The following MFHAS1 variants were observed in gnomAD, a reference collection of about 807,000 sequenced individuals.
MFHAS1 encodes multifunctional ROCO family signaling regulator 1.
Under a neutral mutation model 70.4 loss-of-function variants are expected in MFHAS1, and 50 were observed. The observed-to-expected ratio is 0.71, with a 90% CI of 0.57 to 0.90. The LOEUF (loss-of-function observed/expected upper bound fraction) is 0.90, where lower values mean the gene tolerates loss of function less well. MFHAS1 is among the 40% of genes least tolerant of loss of function. MFHAS1 has a pLI of 0.00. For synonymous variants in MFHAS1, 952 were observed against 620.0 expected (o/e 1.54, Z -7.96); for missense variants, 1,795 against 1,347.6 (o/e 1.33, Z -5.20).
At chr8:8,887,146 A>G (rs1462370454) in intron 1 of MFHAS1, among the ~76,000 whole-genome samples, 5 of 152,148 alleles carry the variant, frequency 3.3e-5, no homozygotes, top group African/African-American at 1.2e-4. Flanking sequence ...CAAACAAACA[A>G]AAAAACATGA....
chr8:8,867,705 C>T (rs1808915431), intron 1 of MFHAS1, among the ~76,000 whole-genome samples: 1 of 151,872 alleles, frequency 6.6e-6, no homozygotes, highest in African/African-American at 2.4e-5. Flanking sequence ...CTACAGGCAC[C>T]CGCCACCACA....
At chr8:8,845,355 C>T (rs1217895261) in intron 1 of MFHAS1, among the ~76,000 whole-genome samples, 10 of 152,156 alleles carry the variant, frequency 6.6e-5, no homozygotes, top group Non-Finnish European at 2.9e-5. Flanking sequence ...TGTGAAGCAG[C>T]AGAAAATCAT....
At chr8:8,875,999 A>C (rs1425838276) in intron 1 of MFHAS1, among the ~76,000 whole-genome samples, 1 of 152,198 alleles carries the variant, frequency 6.6e-6, no homozygotes, top group East Asian at 1.9e-4. Flanking sequence ...TTTGATCCAC[A>C]AACTTATCAC....
chr8:8,886,003 G>C (rs946053004), intron 1 of MFHAS1, among the ~76,000 whole-genome samples: 1 of 152,160 alleles, frequency 6.6e-6, no homozygotes, highest in African/African-American at 2.4e-5. Flanking sequence ...CCATCTCCGA[G>C]TTTCCAAAAG....
intron 1 of MFHAS1, among the ~76,000 whole-genome samples, chr8:8,858,993 T>G (rs1471614003): frequency 2.0e-5 from 3 of 152,222 alleles, no homozygotes; most frequent in Non-Finnish European, 2.9e-5. Context: ...TTCTTACATA[T>G]GCACACACAT....
intron 1 of MFHAS1, among the ~76,000 whole-genome samples, chr8:8,823,437 A>G (rs1045158110): frequency 6.6e-6 from 1 of 152,176 alleles, no homozygotes; most frequent in Non-Finnish European, 1.5e-5. Flanking sequence ...CAAGTTCCCG[A>G]AACACCGTGA....
intron 1 of MFHAS1, among the ~76,000 whole-genome samples, chr8:8,831,797 C>T (rs531818713): frequency 3.3e-5 from 5 of 151,880 alleles, no homozygotes; most frequent in African/African-American, 4.8e-5. Context: ...TTAGTAGAGA[C>T]GGGTTTCACC....
chr8:8,863,973 C>G (rs1409361825), intron 1 of MFHAS1, among the ~76,000 whole-genome samples: 3 of 152,208 alleles, frequency 2.0e-5, no homozygotes, highest in African/African-American at 4.8e-5. Flanking sequence ...GCCTCAGTGA[C>G]CACCAGCTTC....
At chr8:8,824,989 G>T (rs542941403) in intron 1 of MFHAS1, among the ~76,000 whole-genome samples, 96 of 152,306 alleles carry the variant, frequency 6.3e-4, no homozygotes, top group African/African-American at 2.2e-3. Flanking sequence ...ACTCCTAGGG[G>T]ACCTGCTTTC....
intron 1 of MFHAS1, among the ~76,000 whole-genome samples, chr8:8,853,328 G>C (rs1808314450): frequency 6.6e-6 from 1 of 151,944 alleles, no homozygotes; most frequent in Non-Finnish European, 1.5e-5. Flanking sequence ...CTACCTTTTG[G>C]GAATAAAAAG....
At chr8:8,858,177 A>C (rs1808516972) in intron 1 of MFHAS1, among the ~76,000 whole-genome samples, 1 of 152,194 alleles carries the variant, frequency 6.6e-6, no homozygotes, top group South Asian at 2.1e-4. Context: ...GTAGTTAAGA[A>C]GCCAGCAAGG....
Position 8,890,369 on chromosome 8 carries a change from C to A in MFHAS1, c.2690G>T (p.Arg897Leu). Residue 897 changes from arginine (R) to leucine (L), a missense_variant, in exon 1 of 3, where the codon CGC (arginine) becomes CTC (leucine). Physicochemically the swap from Arg to Leu is moderately radical, Grantham distance 102 (BLOSUM62 -2). Transcript: ENST00000276282. Reference sequence around the variant, plus strand: ...ATGGCTGTTGATCTGGACACTGTAGCGTGCAAACAACCCAAGTGGAAAAGT... The same window carrying A: ...ATGGCTGTTGATCTGGACACTGTAGAGTGCAAACAACCCAAGTGGAAAAGT... The part of the protein sequence containing the change: ...PFTFPLGLFA[R>L]YSVQINSHVV... 4 of 1,614,162 alleles carry A rather than the reference C, an allele frequency of 2.5e-6. No individual in the cohort carries two copies. The highest frequency in any genetic ancestry group is 3.4e-6 in the Non-Finnish European group (4 of 1,180,044).
chr8:8,797,582 G>A (rs1805952134), intron 1 of MFHAS1, 91 bp from the exon 2 acceptor site: 1 of 1,394,408 alleles, frequency 7.2e-7, no homozygotes, highest in Admixed American at 2.0e-5. Flanking sequence ...GATGGGGGCA[G>A]GGGGAGAAGG....
chr8:8,872,642 T>G (rs951868292), intron 1 of MFHAS1, among the ~76,000 whole-genome samples: 7 of 152,142 alleles, frequency 4.6e-5, no homozygotes, highest in African/African-American at 7.2e-5. Context: ...ATTCAAGAAG[T>G]GTCTGGGAGA....
At chr8:8,889,272 G>A (rs983262778) in intron 1 of MFHAS1, among the ~76,000 whole-genome samples, 1 of 152,118 alleles carries the variant, frequency 6.6e-6, no homozygotes, top group East Asian at 1.9e-4. Context: ...GGAAATTCCC[G>A]AGGAAACGCC....
intron 1 of MFHAS1, among the ~76,000 whole-genome samples, chr8:8,885,831 T>C (rs1809730813): frequency 6.6e-6 from 1 of 152,224 alleles, no homozygotes; most frequent in Admixed American, 6.5e-5. Flanking sequence ...TGCCTCATTC[T>C]TCCCAGGAGC....
intron 1 of MFHAS1, among the ~76,000 whole-genome samples, chr8:8,802,320 T>C (rs544467385): frequency 4.3e-4 from 65 of 152,346 alleles, no homozygotes; most frequent in African/African-American, 1.4e-3. Context: ...GTGTCAAGGA[T>C]AGCATGATGT....
At chr8:8,858,411 T>C (rs956419199) in intron 1 of MFHAS1, among the ~76,000 whole-genome samples, 1 of 152,208 alleles carries the variant, frequency 6.6e-6, no homozygotes, top group East Asian at 1.9e-4. Context: ...AAATTTAATA[T>C]TTAAAATTAT....
intron 1 of MFHAS1, among the ~76,000 whole-genome samples, chr8:8,817,595 G>A (rs550167116): frequency 1.3e-5 from 2 of 152,218 alleles, no homozygotes; most frequent in African/African-American, 2.4e-5. Flanking sequence ...CCGCAGATGG[G>A]GGGGCTCTCG....
Sources: allele counts gnomAD v4.1 joint callset (sites outside exome capture counted in the v4.1 genomes callset), GRCh38; gene constraint gnomAD v4.1.1; transcripts MANE v1.5; gene names NCBI Gene and HGNC (gene_info 2026-07-23, HGNC 2026-07-21).